The following CERS6 variants were observed in gnomAD, a reference collection of about 807,000 sequenced individuals.
CERS6 encodes ceramide synthase 6, also known as LAG1 homolog, ceramide synthase 6.
A neutral mutation model predicts 56.8 loss-of-function variants in CERS6; 26 were observed. The ratio of observed to expected loss-of-function variants is 0.46; its 90% CI spans 0.34 to 0.63. CERS6 has a LOEUF of 0.63. Ranked by LOEUF, CERS6 falls within the 30% of genes least tolerant of loss-of-function variation. The pLI is 0.01. For synonymous variants in CERS6, 164 were observed against 173.3 expected (o/e 0.95, Z 0.42); for missense variants, 415 against 467.5 (o/e 0.89, Z 1.04).
chr2:168,706,922 C>T (rs907157602), intron 6 of CERS6, among the ~76,000 whole-genome samples: 3 of 152,202 alleles, frequency 2.0e-5, no homozygotes, highest in African/African-American at 7.2e-5. Context: ...AGCTCTGCCA[C>T]TATAGCAAGA....
At chr2:168,539,875 A>G (rs1001078899) in intron 1 of CERS6, among the ~76,000 whole-genome samples, 2 of 152,150 alleles carry the variant, frequency 1.3e-5, no homozygotes, top group Non-Finnish European at 2.9e-5. Context: ...GTTATTTCTC[A>G]TAATTGGATT....
Position 168,599,384 on chromosome 2 carries a change from C to T in CERS6, c.408-31601C>T, listed in dbSNP as rs116721252. The stretch of plus-strand genomic sequence containing the variant: ...TAGTTTGTTTCTTTTTGAAGAAGGG[C>T]AGTAAATTCTTATCCTTTCTGTATT... On this transcript the variant is annotated intron_variant, in intron 3 of 9. Coordinates refer to ENST00000305747, the MANE Select transcript of CERS6 (RefSeq NM_203463.3). Among the ~76,000 whole-genome samples, 1,065 of 152,280 alleles carry T rather than the reference C, an allele frequency of 7.0e-3. 9 individuals are homozygous for T. Among genetic ancestry groups the T allele is most frequent in the Middle Eastern group, 0.024 (7 of 294 alleles).
At chr2:168,697,527 T>C (rs1410565563) in intron 6 of CERS6, among the ~76,000 whole-genome samples, 1 of 151,290 alleles carries the variant, frequency 6.6e-6, no homozygotes, top group Non-Finnish European at 1.5e-5. Flanking sequence ...AAAACTCTTA[T>C]ATAACAGAGA....
At chr2:168,759,767 T>A (rs1159709926) in intron 8 of CERS6, among the ~76,000 whole-genome samples, 3 of 152,184 alleles carry the variant, frequency 2.0e-5, no homozygotes, top group African/African-American at 7.2e-5. Flanking sequence ...AGTTTACAAC[T>A]GTTTTTGTGA....
At chr2:168,478,566 G>A (rs543294463) in intron 1 of CERS6, among the ~76,000 whole-genome samples, 12 of 152,310 alleles carry the variant, frequency 7.9e-5, no homozygotes, top group African/African-American at 2.4e-4. Flanking sequence ...TCACCAGGGA[G>A]CTTGTTAGAA....
chr2:168,746,964 G>C (rs1483129545), intron 8 of CERS6, among the ~76,000 whole-genome samples: 1 of 151,316 alleles, frequency 6.6e-6, no homozygotes, highest in African/African-American at 2.4e-5. Context: ...GAAGTACCTA[G>C]TGTTAATTAC....
At chr2:168,752,666 C>A (rs1684308219) in intron 8 of CERS6, among the ~76,000 whole-genome samples, 2 of 152,178 alleles carry the variant, frequency 1.3e-5, no homozygotes, top group Admixed American at 6.5e-5. Context: ...TAAGCGATCT[C>A]CGTAGCCATT....
intron 3 of CERS6, among the ~76,000 whole-genome samples, chr2:168,609,323 A>G (rs1483918040): frequency 6.6e-6 from 1 of 152,226 alleles, no homozygotes; most frequent in East Asian, 1.9e-4. Flanking sequence ...AAACTTTAAA[A>G]AAATCTTATG....
chr2:168,703,593 G>T lies in CERS6; in HGVS notation c.609+8542G>T, dbSNP rs1263367505. ...CAAACAAAAAAAAAGTGACTCCCAGGTAGTGCCTCACATTGCATCAGCATA... is the reference window on the plus strand; with the variant it reads ...CAAACAAAAAAAAAGTGACTCCCAGTTAGTGCCTCACATTGCATCAGCATA... On this transcript the variant is annotated intron_variant, in intron 6 of 9. Coordinates refer to ENST00000305747, the MANE Select transcript of CERS6 (RefSeq NM_203463.3). 3.9e-5 allele frequency among the ~76,000 whole-genome samples: 6 copies of T among 152,032 alleles called. 1 individual carries two copies. The highest frequency in any genetic ancestry group is 3.9e-4 in the Admixed American group (6 of 15,250).
At chr2:168,606,526 T>C (rs748485365) in intron 3 of CERS6, 1 of 152,212 alleles carries the variant, frequency 6.6e-6, no homozygotes, top group African/African-American at 2.4e-5. Context: ...TACAGGCTCA[T>C]AGGGAGAAGG....
At chr2:168,510,092 G>T (rs1172290984) in intron 1 of CERS6, among the ~76,000 whole-genome samples, 1 of 139,118 alleles carries the variant, frequency 7.2e-6, no homozygotes, top group African/African-American at 2.8e-5. Flanking sequence ...ATAATAATTG[G>T]TAAAAAAAAA....
At chr2:168,721,032 A>T (rs998309975) in intron 8 of CERS6, among the ~76,000 whole-genome samples, 1 of 152,216 alleles carries the variant, frequency 6.6e-6, no homozygotes. Flanking sequence ...TGAGAACATC[A>T]TAGCGCAATG....
intron 1 of CERS6, among the ~76,000 whole-genome samples, chr2:168,475,117 C>T (rs1694045022): frequency 6.6e-6 from 1 of 152,108 alleles, no homozygotes; most frequent in African/African-American, 2.4e-5. Context: ...ATCATATTAT[C>T]TCATCGTGCT....
chr2:168,575,506 C>A (rs1013604607), intron 3 of CERS6, among the ~76,000 whole-genome samples: 2 of 151,952 alleles, frequency 1.3e-5, no homozygotes, highest in African/African-American at 4.8e-5. Flanking sequence ...CCCCATGAAC[C>A]AATTGGCTCC....
Position 168,537,876 on chromosome 2 carries a change from T to C in CERS6, c.171-9720T>C, listed in dbSNP as rs112357472. ...AGCCTAATAAGCATAACCTCAGACT[T>C]ACCAGGCCTCACACTGAAGTCATGA... On this transcript the variant is annotated intron_variant, in intron 1 of 9. Coordinates refer to ENST00000305747, the MANE Select transcript of CERS6 (RefSeq NM_203463.3). Among the ~76,000 whole-genome samples the C allele has an allele frequency of 1.7e-3, 258 of 152,288 alleles. 3 individuals are homozygous for C. Among genetic ancestry groups the C allele is most frequent in the African/African-American group, 6.0e-3 (250 of 41,564 alleles).
chr2:168,708,970 A>C (rs748531259), intron 6 of CERS6, among the ~76,000 whole-genome samples: 9 of 152,150 alleles, frequency 5.9e-5, no homozygotes, highest in Non-Finnish European at 1.3e-4. Flanking sequence ...AGGCATGTAC[A>C]TCAAGATGAA....
Position 168,769,739 on chromosome 2 carries a change from C to G in CERS6, c.*77C>G. The G allele has an allele frequency of 6.8e-7, 1 of 1,467,996 alleles. No homozygotes were observed. The highest frequency in any genetic ancestry group is 9.4e-7 in the Non-Finnish European group (1 of 1,064,848). The allele number at this position is 1,467,996 out of a possible 1,614,324, so 90.9% of individuals were successfully genotyped here. A position where few individuals can be genotyped will look rare whatever the true frequency, so the allele number is the denominator to read the frequency against. On this transcript the variant is annotated 3_prime_UTR_variant, in exon 10 of 10. Coordinates refer to ENST00000305747, the MANE Select transcript of CERS6 (RefSeq NM_203463.3). Reference sequence around the variant, plus strand: ...ATTTAATAAGTTGCAAATGCAGTTCCTTTCATAATATCTCAGCACCAGAAA... The same window carrying G: ...ATTTAATAAGTTGCAAATGCAGTTCGTTTCATAATATCTCAGCACCAGAAA...
At chr2:168,496,947 G>A (rs930010179) in intron 1 of CERS6, among the ~76,000 whole-genome samples, 2 of 152,184 alleles carry the variant, frequency 1.3e-5, no homozygotes, top group African/African-American at 4.8e-5. Context: ...GTGTTAGATA[G>A]TGAGGCTTTT....
intron 3 of CERS6, among the ~76,000 whole-genome samples, chr2:168,627,052 G>A (rs1684606996): frequency 6.6e-6 from 1 of 152,082 alleles, no homozygotes; most frequent in Admixed American, 6.6e-5. Flanking sequence ...AATTTACCTT[G>A]TTTAACCAAG....
Sources: allele counts gnomAD v4.1 joint callset (sites outside exome capture counted in the v4.1 genomes callset), GRCh38; gene constraint gnomAD v4.1.1; transcripts MANE v1.5; gene names NCBI Gene and HGNC (gene_info 2026-07-23, HGNC 2026-07-21).